The following PACS1 variants were observed in gnomAD, a reference collection of about 807,000 sequenced individuals.
The protein encoded by PACS1 is PACS-1.
A neutral mutation model predicts 115.0 loss-of-function variants in PACS1; 24 were observed. The ratio of observed to expected loss-of-function variants is 0.21; its 90% CI spans 0.15 to 0.29. The LOEUF is 0.29. Among genes scored for constraint, PACS1 ranks in the 10% least tolerant of loss-of-function variants. The pLI is 1.00. For missense variants in PACS1, 838 were observed against 1,251.2 expected (o/e 0.67, Z 4.98); for synonymous variants, 453 against 504.5 (o/e 0.90, Z 1.37).
intron 10 of PACS1, among the ~76,000 whole-genome samples, chr11:66,224,967 C>A (rs111938768): frequency 1.3e-5 from 2 of 152,146 alleles, no homozygotes; most frequent in African/African-American, 2.4e-5. Context: ...TCTCCTGATA[C>A]GAATTATTCC....
rs398045238 is a variant in PACS1 at position 66,236,765 on chromosome 11, A to ATT, written c.2250+836_2250+837dup. ...AAACCAGCTTCTATCTTTTTTTATT[A>ATT]TTTTTTTTTTTTATGAGATGGAGTC... On this transcript the variant is annotated intron_variant, in intron 19 of 23. Coordinates refer to ENST00000320580, the MANE Select transcript of PACS1 (RefSeq NM_018026.4). This position sits in a 1 kb window ranked among gnomAD's most constrained non-coding sequence, Gnocchi z 4.2. Among the ~76,000 whole-genome samples, 27,386 of 146,906 alleles carry ATT rather than the reference A, an allele frequency of 0.19. 2,583 individuals carry two copies. The highest frequency in any genetic ancestry group is 0.27 in the East Asian group (1,345 of 5,036).
chr11:66,113,518 T>G (rs761897017), intron 1 of PACS1, among the ~76,000 whole-genome samples: 1 of 152,240 alleles, frequency 6.6e-6, no homozygotes, highest in Non-Finnish European at 1.5e-5. Flanking sequence ...CAGATACTTT[T>G]ACAACGTAAC....
rs1007045455 is a variant in PACS1 at position 66,233,268 on chromosome 11, T to C, written c.1838+202T>C. The stretch of plus-strand genomic sequence containing the variant: ...CCCCAGAGGATCGGGGGTGGAAATA[T>C]CAATTCCTGTGCTCCCTGCCTCCCT... On this transcript the variant is annotated intron_variant, in intron 15 of 23. Coordinates refer to ENST00000320580, the MANE Select transcript of PACS1 (RefSeq NM_018026.4). This position sits in a 1 kb window ranked among gnomAD's most constrained non-coding sequence, Gnocchi z 4.5. Among the ~76,000 whole-genome samples, 6 of 152,140 alleles carry C rather than the reference T, an allele frequency of 3.9e-5. No homozygotes were observed.
At position 66,096,256 on chromosome 11, in the gene PACS1, C is replaced by T. The variant is rs542352430; in HGVS notation, c.356+25414C>T. On this transcript the variant is annotated intron_variant, in intron 1 of 23. Transcript: ENST00000320580. Reference sequence around the variant, plus strand: ...TTTGATGTAGGGTGTTTCGCTGTGTCACCAAGGCTGGAGTACAGTGATGGC... The same window carrying T: ...TTTGATGTAGGGTGTTTCGCTGTGTTACCAAGGCTGGAGTACAGTGATGGC... Among the ~76,000 whole-genome samples the T allele has an allele frequency of 4.4e-5, 6 of 137,804 alleles. No individual in the cohort carries two copies. In the East Asian group the frequency reaches 1.4e-3, roughly 32 times the overall value. 90.4% of individuals were successfully genotyped at this position (137,804 alleles called of 152,430 possible). A position where few individuals can be genotyped will look rare whatever the true frequency, so the allele number is the denominator to read the frequency against.
At chr11:66,167,314 GT>G (rs1311695047) in intron 1 of PACS1, among the ~76,000 whole-genome samples, 3 of 142,954 alleles carry the variant, frequency 2.1e-5, no homozygotes, top group African/African-American at 8.2e-5. Context: ...TCTTCTCTGG[GT>G]TCATGGCTTT....
At chr11:66,207,779 T>G (rs534947451) in intron 2 of PACS1, among the ~76,000 whole-genome samples, 6 of 150,838 alleles carry the variant, frequency 4.0e-5, no homozygotes, top group Admixed American at 2.0e-4. Flanking sequence ...TTTTGTTTTG[T>G]TTTTTTTTGA....
Position 66,116,683 on chromosome 11 carries a change from G to GT in PACS1, c.356+45843dup. ...GCAGGTGGATTACTTGAGCTCAGGAGTTCAAGACCAGCCTGGGCAACATGT... is the reference window on the plus strand; with the variant it reads ...GCAGGTGGATTACTTGAGCTCAGGAGTTTCAAGACCAGCCTGGGCAACATGT... On this transcript the variant is annotated intron_variant, in intron 1 of 23. Transcript: ENST00000320580. Among the ~76,000 whole-genome samples the GT allele has an allele frequency of 6.0e-5, 9 of 151,004 alleles. 1 individual carries two copies. Among genetic ancestry groups the GT allele is most frequent in the African/African-American group, 2.0e-4 (8 of 40,388 alleles).
intron 7 of PACS1, chr11:66,217,372 A>G (rs1435460303): frequency 3.0e-6 from 1 of 336,076 alleles, no homozygotes; most frequent in Non-Finnish European, 5.9e-6. Context: ...GAAGCTAAAA[A>G]CCTGAATTCC....
chr11:66,210,233 C>G, intron 2 of PACS1, 129 bp from the exon 3 acceptor site: 1 of 680,244 alleles, frequency 1.5e-6, no homozygotes, highest in Non-Finnish European at 2.6e-6. Flanking sequence ...AGGAGTCTCA[C>G]TATGTTGCCC....
At chr11:66,198,374 A>G (rs1854695259) in intron 2 of PACS1, among the ~76,000 whole-genome samples, 2 of 152,384 alleles carry the variant, frequency 1.3e-5, no homozygotes, top group Middle Eastern at 3.4e-3. Flanking sequence ...CAACTGATCA[A>G]TGGATAAATA....
intron 1 of PACS1, among the ~76,000 whole-genome samples, chr11:66,176,709 C>T (rs1358277291): frequency 2.6e-5 from 4 of 152,054 alleles, no homozygotes; most frequent in East Asian, 3.9e-4. Flanking sequence ...CCATCATGCC[C>T]GGTCCATATA....
At chr11:66,168,718 AT>A (rs1859665259) in intron 1 of PACS1, among the ~76,000 whole-genome samples, 1 of 145,852 alleles carries the variant, frequency 6.9e-6, no homozygotes, top group South Asian at 2.1e-4. Flanking sequence ...TAGGTGTCTT[AT>A]TTTTTGTTGC....
rs556121033 is a variant in PACS1, at chr11:66,103,513, A to ATTT, written c.356+32696_356+32698dup. Among the ~76,000 whole-genome samples, 52 of 109,132 alleles carry ATTT rather than the reference A, an allele frequency of 4.8e-4. 1 individual carries two copies. The highest frequency in any genetic ancestry group is 1.7e-3 in the African/African-American group (46 of 26,380). The allele number at this position is 109,132 out of a possible 152,430, so 71.6% of individuals were successfully genotyped here. On this transcript the variant is annotated intron_variant, in intron 1 of 23. Coordinates refer to ENST00000320580, the MANE Select transcript of PACS1 (RefSeq NM_018026.4). ...TTTTCTTTTCAGTTTTTTGTTTGGA[A>ATTT]TTTTTTTTTTTTTTTTTTTTTTTTT...
intron 21 of PACS1, among the ~76,000 whole-genome samples, chr11:66,240,426 G>A (rs1246593652): frequency 2.0e-5 from 3 of 152,160 alleles, no homozygotes; most frequent in African/African-American, 2.4e-5. Context: ...TTCCGCCTTC[G>A]CCTCTTCCCT....
At chr11:66,194,745 A>G (rs1357028924) in intron 2 of PACS1, among the ~76,000 whole-genome samples, 1 of 152,146 alleles carries the variant, frequency 6.6e-6, no homozygotes, top group Non-Finnish European at 1.5e-5. Context: ...ACTGTATGAT[A>G]ACTCCCTACT....
At chr11:66,172,054 C>G (rs1242350885) in intron 1 of PACS1, among the ~76,000 whole-genome samples, 1 of 152,244 alleles carries the variant, frequency 6.6e-6, no homozygotes, top group Non-Finnish European at 1.5e-5. Flanking sequence ...GTTCCTCCCA[C>G]CACGCTTGCC....
chr11:66,161,267 G>A (rs765532806), intron 1 of PACS1, among the ~76,000 whole-genome samples: 4 of 151,974 alleles, frequency 2.6e-5, no homozygotes, highest in East Asian at 1.9e-4. Flanking sequence ...TGTAATTTCC[G>A]TGACTGGCAG....
chr11:66,076,954 G>A (rs1263021884), intron 1 of PACS1, among the ~76,000 whole-genome samples: 4 of 152,208 alleles, frequency 2.6e-5, no homozygotes, highest in Non-Finnish European at 5.9e-5. Flanking sequence ...AGCAAGGTGG[G>A]CAGTCTCTTA....
chr11:66,127,261 C>T (rs986250308), intron 1 of PACS1, among the ~76,000 whole-genome samples: 5 of 152,190 alleles, frequency 3.3e-5, no homozygotes, highest in African/African-American at 4.8e-5. Flanking sequence ...AACACATTTA[C>T]GTCAACAGGT....
Sources: gnomAD v4.1 joint callset for allele counts (sites outside exome capture counted in the v4.1 genomes callset) on GRCh38, gnomAD v4.1.1 for gene constraint, Gnocchi (gnomAD v3.1) non-coding constraint, MANE v1.5 for transcripts, NCBI Gene and HGNC (gene_info 2026-07-23, HGNC 2026-07-21) for gene names.